SHISA9: variants seen among roughly 807,000 people sequenced by gnomAD.
SHISA9 encodes the protein shisa family member 9.
In SHISA9, 13 loss-of-function variants were observed where a neutral mutation model predicts 38.0. The observed-to-expected ratio is 0.34, with a 90% CI of 0.22 to 0.54. The LOEUF is 0.54. Among genes scored for constraint, SHISA9 ranks in the 20% least tolerant of loss-of-function variants. The pLI, the probability that SHISA9 is intolerant of heterozygous loss-of-function variation, is 0.91. For synonymous variants in SHISA9, 275 were observed against 242.0 expected, an observed-to-expected ratio of 1.14 and a Z score of -1.27; for missense variants, 538 against 575.8, an observed-to-expected ratio of 0.93 and a Z score of 0.67.
In SHISA9 at chr16:13,028,703, G is replaced by T. The variant is rs764583537; in HGVS notation, c.691+111888G>T. 2.9e-4 allele frequency among the ~76,000 whole-genome samples: 44 copies of T among 152,290 alleles called. 1 individual carries two copies. Among genetic ancestry groups the T allele is most frequent in the Non-Finnish European group, 5.3e-4 (36 of 68,030 alleles). The stretch of plus-strand genomic sequence containing the variant: ...CATATCAAAAGCCTTCAGCAGTTTT[G>T]CCCCTCAGCTCAGCAATCCCCATGG... On this transcript the variant is annotated intron_variant, in intron 2 of 4. Coordinates refer to ENST00000558583, the MANE Select transcript of SHISA9 (RefSeq NM_001145204.3).
chr16:12,908,614 C>T (rs570282874), intron 1 of SHISA9: 49 of 1,551,158 alleles, frequency 3.2e-5, no homozygotes, highest in South Asian at 2.9e-4. Flanking sequence ...GGCTGCACTG[C>T]GTTTGAGTGC....
At chr16:13,395,520 A>T in the SHISA9 span, among the ~76,000 whole-genome samples, 2 of 152,382 alleles carry the variant, frequency 1.3e-5, no homozygotes, top group South Asian at 4.1e-4. Context: ...ATGGCTTGAC[A>T]TGCAGAGATG....
chr16:13,440,017 A>G, the SHISA9 span, among the ~76,000 whole-genome samples: 1 of 152,234 alleles, frequency 6.6e-6, no homozygotes, highest in Non-Finnish European at 1.5e-5. Context: ...GCGCCTCAAG[A>G]GGACGTGCGT....
the SHISA9 span, among the ~76,000 whole-genome samples, chr16:13,417,126 A>G: frequency 6.6e-6 from 1 of 152,194 alleles, no homozygotes; most frequent in African/African-American, 2.4e-5. Flanking sequence ...TGCTTATATC[A>G]CTGCATGGCA....
At chr16:13,200,397 A>C (rs2050993087) in intron 2 of SHISA9, among the ~76,000 whole-genome samples, 1 of 131,394 alleles carries the variant, frequency 7.6e-6, no homozygotes, top group South Asian at 2.3e-4. Flanking sequence ...TCCACCAAAA[A>C]ATATATCATG....
intron 2 of SHISA9, among the ~76,000 whole-genome samples, chr16:13,173,616 C>A (rs2050707631): frequency 6.6e-6 from 1 of 152,148 alleles, no homozygotes; most frequent in African/African-American, 2.4e-5. Flanking sequence ...TTGGTTGTCA[C>A]AACTTGCAGG....
the SHISA9 span, among the ~76,000 whole-genome samples, chr16:13,404,115 C>G: frequency 1.6e-4 from 25 of 152,136 alleles, no homozygotes; most frequent in Admixed American, 1.6e-3. Context: ...TGTTATTTCT[C>G]TATTATTTTA....
At chr16:13,403,681 A>C in the SHISA9 span, among the ~76,000 whole-genome samples, 2 of 152,204 alleles carry the variant, frequency 1.3e-5, no homozygotes, top group African/African-American at 4.8e-5. Context: ...CACATTATTA[A>C]CATTAAATCA....
chr16:13,432,906 G>T, the SHISA9 span, among the ~76,000 whole-genome samples: 2 of 152,050 alleles, frequency 1.3e-5, no homozygotes, highest in African/African-American at 4.8e-5. Flanking sequence ...ATACCCTGGG[G>T]TCTATCGGAG....
At chr16:13,561,078 G>A in the SHISA9 span, among the ~76,000 whole-genome samples, 5 of 152,144 alleles carry the variant, frequency 3.3e-5, no homozygotes, top group African/African-American at 7.2e-5. Flanking sequence ...TGGCCAGGCT[G>A]GTCTCGAACT....
chr16:13,101,658 G>T (rs2073879981), intron 2 of SHISA9, among the ~76,000 whole-genome samples: 1 of 152,194 alleles, frequency 6.6e-6, no homozygotes, highest in Non-Finnish European at 1.5e-5. Flanking sequence ...TGGGATTGCT[G>T]TATCATATAG....
intron 2 of SHISA9, among the ~76,000 whole-genome samples, chr16:13,067,812 C>G (rs991354669): frequency 6.6e-6 from 1 of 152,192 alleles, no homozygotes; most frequent in Non-Finnish European, 1.5e-5. Context: ...TAGGCCTTTG[C>G]GCCATTTAGA....
chr16:13,055,413 A>T (rs1291206768), intron 2 of SHISA9, among the ~76,000 whole-genome samples: 1 of 152,206 alleles, frequency 6.6e-6, no homozygotes, highest in Admixed American at 6.5e-5. Context: ...GTTCTAGTGC[A>T]GGAACTCATG....
chr16:13,276,844 G>A, the SHISA9 span, among the ~76,000 whole-genome samples: 2 of 151,926 alleles, frequency 1.3e-5, no homozygotes, highest in African/African-American at 4.8e-5. Context: ...AGATTGTGAA[G>A]ATTTTCTCAC....
At chr16:13,053,454 C>T (rs968353558) in intron 2 of SHISA9, among the ~76,000 whole-genome samples, 2 of 152,210 alleles carry the variant, frequency 1.3e-5, no homozygotes, top group African/African-American at 4.8e-5. Flanking sequence ...TAACCCCTTA[C>T]AGTCTATTCT....
the SHISA9 span, chr16:13,258,566 A>G: frequency 1.3e-5 from 2 of 152,206 alleles, no homozygotes; most frequent in African/African-American, 2.4e-5. Context: ...ATTACTTTTC[A>G]TGCTGCTGAT....
intron 2 of SHISA9, among the ~76,000 whole-genome samples, chr16:13,162,843 G>A (rs1010345404): frequency 1.3e-5 from 2 of 150,748 alleles, no homozygotes; most frequent in African/African-American, 2.4e-5. Context: ...AAAAAAAACC[G>A]ATACAAGAAA....
the SHISA9 span, among the ~76,000 whole-genome samples, chr16:13,550,037 T>A: frequency 9.4e-4 from 120 of 127,900 alleles, no homozygotes; most frequent in African/African-American, 2.2e-3. Context: ...AAAAAAAAAA[T>A]AAAGTATATA....
chr16:12,913,697 T>C (rs2071215913), intron 1 of SHISA9, among the ~76,000 whole-genome samples: 1 of 152,198 alleles, frequency 6.6e-6, no homozygotes, highest in African/African-American at 2.4e-5. Flanking sequence ...CTGGCAACCA[T>C]GAATCTACTT....
Sources: gnomAD v4.1 joint callset for allele counts (sites outside exome capture counted in the v4.1 genomes callset) on GRCh38, gnomAD v4.1.1 for gene constraint, MANE v1.5 for transcripts, NCBI Gene and HGNC (gene_info 2026-07-23, HGNC 2026-07-21) for gene names.